Variants in ARHGAP29 observed in about 807,000 individuals in gnomAD.
ARHGAP29 encodes Rho GTPase activating protein 29.
ARHGAP29 carries 43 observed loss-of-function variants against 122.6 expected under a neutral mutation model. The ratio of observed to expected loss-of-function variants is 0.35; its 90% CI spans 0.27 to 0.45. The LOEUF is 0.45. ARHGAP29 is among the 20% of genes least tolerant of loss of function. The pLI is 1.00. For missense variants in ARHGAP29, 1,303 were observed against 1,477.2 expected (o/e 0.88, Z 1.93); for synonymous variants, 506 against 497.1 (o/e 1.02, Z -0.24).
At position 94,188,428 on chromosome 1, in the gene ARHGAP29, T is replaced by G. The variant is rs570542335; in HGVS notation, c.1681+409A>C. Reference sequence around the variant, plus strand: ...GTGAAAATAAAGGTGGCTACCTACATTCACATAGATCTTAAAAAAAAACAC... The same window carrying G: ...GTGAAAATAAAGGTGGCTACCTACAGTCACATAGATCTTAAAAAAAAACAC... On this transcript the variant is annotated intron_variant, in intron 15 of 22. Coordinates refer to ENST00000260526, the MANE Select transcript of ARHGAP29 (RefSeq NM_004815.4). Among the ~76,000 whole-genome samples the G allele has an allele frequency of 2.0e-5, 3 of 152,112 alleles. No individual in the cohort carries two copies. In the East Asian group the frequency reaches 5.8e-4, roughly 29 times the overall value.
At position 94,174,485 on chromosome 1, in the gene ARHGAP29, T is replaced by C. The variant is rs755321039; in HGVS notation, c.3170A>G (p.Asn1057Ser). 1.9e-6 allele frequency: 3 copies of C among 1,614,232 alleles called. No homozygotes were observed. Among genetic ancestry groups the C allele is most frequent in the African/African-American group, 2.7e-5 (2 of 75,058 alleles). Reference protein sequence around the residue: ...FCKNPAFEGVNRKDAATTVCS... With the variant: ...FCKNPAFEGVSRKDAATTVCS... Reference sequence around the variant, plus strand: ...AACAGTAGTAGCAGCGTCTTTTCTATTAACTCCTTCAAAGGCAGGATTCTT... The same window carrying C: ...AACAGTAGTAGCAGCGTCTTTTCTACTAACTCCTTCAAAGGCAGGATTCTT... Residue 1057 changes from asparagine (N) to serine (S), a missense_variant, in exon 23 of 23, where the codon AAT becomes AGT. By Grantham distance (46) the Asn-to-Ser change is conservative. Coordinates refer to ENST00000260526, the MANE Select transcript of ARHGAP29 (RefSeq NM_004815.4).
the ARHGAP29 span, among the ~76,000 whole-genome samples, chr1:94,295,127 T>A: frequency 0.23 from 35,532 of 152,044 alleles, 4,397 homozygotes; most frequent in East Asian, 0.46. Flanking sequence ...TAGGGCCAAC[T>A]AGAAGGATTG....
chr1:94,211,688 A>C (rs1651630094), intron 3 of ARHGAP29, among the ~76,000 whole-genome samples: 1 of 152,262 alleles, frequency 6.6e-6, no homozygotes, highest in Non-Finnish European at 1.5e-5. Flanking sequence ...CAGAAACAAC[A>C]GAAGGATCTC....
At chr1:94,220,512 T>C (rs1057243404) in intron 2 of ARHGAP29, 120 bp from the exon 3 acceptor site, 1 of 780,712 alleles carries the variant, frequency 1.3e-6, no homozygotes, top group African/African-American at 1.8e-5. Flanking sequence ...TTGCCTACTA[T>C]ACATTCATTT....
chr1:94,209,309 G>T lies in ARHGAP29; in HGVS notation c.382C>A (p.Leu128Ile), dbSNP rs1651426060. The change falls in exon 4 of 23, where the codon CTC becomes ATC. Residue 128 changes from leucine to isoleucine, a missense_variant. Physicochemically the swap from Leu to Ile is conservative, Grantham distance 5. Transcript: ENST00000260526. ...ATAGAAGAAAACACTTCCTGGAAGAGATCGTTTTTGTTTTCTTCATTAACT... is the reference window on the plus strand; with the variant it reads ...ATAGAAGAAAACACTTCCTGGAAGATATCGTTTTTGTTTTCTTCATTAACT... ...TEVNEENKND[L>I]FQEVFSSIET... 1 of 1,609,516 alleles carries T rather than the reference G, an allele frequency of 6.2e-7. No homozygotes were observed. The highest frequency in any genetic ancestry group is 8.5e-7 in the Non-Finnish European group (1 of 1,178,908).
At chr1:94,227,778 G>A (rs1354836468) in intron 2 of ARHGAP29, among the ~76,000 whole-genome samples, 1 of 151,716 alleles carries the variant, frequency 6.6e-6, no homozygotes, top group Non-Finnish European at 1.5e-5. Flanking sequence ...ATTCCACAGG[G>A]AGGAAACCAT....
chr1:94,222,144 T>C (rs1453092458), intron 2 of ARHGAP29, among the ~76,000 whole-genome samples: 11 of 152,156 alleles, frequency 7.2e-5, no homozygotes, highest in African/African-American at 2.4e-4. Context: ...CAAATGTCCA[T>C]GAGTCCATAC....
chr1:94,190,102 A>G lies in ARHGAP29; in HGVS notation c.1282-19T>C. 6.2e-7 allele frequency: 1 copy of G among 1,610,302 alleles called. No homozygotes were observed. The highest frequency in any genetic ancestry group is 8.5e-7 in the Non-Finnish European group (1 of 1,178,052). On this transcript the variant is annotated intron_variant, in intron 12 of 22. Transcript: ENST00000260526. ...CTGTTACCTATGGACCCAGAGACAA[A>G]AGGCAGAGTAACTCATGATATACAG... is the stretch of plus-strand genomic sequence containing the variant.
At chr1:94,191,920 T>C (rs755384516) in intron 12 of ARHGAP29, 2 of 152,188 alleles carry the variant, frequency 1.3e-5, no homozygotes, top group Non-Finnish European at 2.9e-5. Context: ...AATGAATTAA[T>C]GTAGACCATG....
At position 94,174,462 on chromosome 1, in the gene ARHGAP29, C is replaced by G. The variant is rs1454616391; in HGVS notation, c.3193G>C (p.Val1065Leu). 1 of 1,614,016 alleles carries G rather than the reference C, an allele frequency of 6.2e-7. No individual in the cohort carries two copies. The change falls in exon 23 of 23, where the codon GTT (valine) becomes CTT (leucine). Residue 1065 changes from valine to leucine, a missense_variant. Physicochemically the swap from Val to Leu is conservative, Grantham distance 32. Transcript: ENST00000260526. ...TCAAAGCCATTAAATTTGGAACAAA[C>G]AGTAGTAGCAGCGTCTTTTCTATTA... is the stretch of plus-strand genomic sequence containing the variant. Reference protein sequence around the residue: ...GVNRKDAATTVCSKFNGFDQQ... With the variant: ...GVNRKDAATTLCSKFNGFDQQ...
At chr1:94,300,567 C>T in the ARHGAP29 span, among the ~76,000 whole-genome samples, 3 of 152,210 alleles carry the variant, frequency 2.0e-5, no homozygotes, top group African/African-American at 7.2e-5. Flanking sequence ...TAGATCCCCC[C>T]ATATACCTCT....
the ARHGAP29 span, among the ~76,000 whole-genome samples, chr1:94,293,266 G>T: frequency 4.6e-5 from 7 of 152,322 alleles, no homozygotes; most frequent in East Asian, 1.4e-3. Context: ...AAGGCTCCAT[G>T]GGCATGGGAC....
At position 94,184,838 on chromosome 1, in the gene ARHGAP29, T is replaced by A. The variant is rs190274440; in HGVS notation, c.2109+34A>T. 3.6e-4 allele frequency: 540 copies of A among 1,489,022 alleles called. 6 individuals are homozygous for A. In the African/African-American group the frequency reaches 6.5e-3, roughly 18 times the overall value. The allele number at this position is 1,489,022 out of a possible 1,614,324, so 92.2% of individuals were successfully genotyped here. A position where few individuals can be genotyped will look rare whatever the true frequency, so the allele number is the denominator to read the frequency against. The stretch of plus-strand genomic sequence containing the variant: ...CATTAGAATAGGTTACACAGGCATT[T>A]ATGCTTTTTAAAATTTTAAGAGTTA... On this transcript the variant is annotated intron_variant, in intron 18 of 22. Coordinates refer to ENST00000260526, the MANE Select transcript of ARHGAP29 (RefSeq NM_004815.4).
the ARHGAP29 span, among the ~76,000 whole-genome samples, chr1:94,308,934 G>A: frequency 6.6e-6 from 1 of 152,160 alleles, no homozygotes; most frequent in African/African-American, 2.4e-5. Context: ...GTTTCCTCAG[G>A]AGGTTGTGTG....
the ARHGAP29 span, among the ~76,000 whole-genome samples, chr1:94,306,910 G>T: frequency 6.6e-6 from 1 of 152,090 alleles, no homozygotes; most frequent in East Asian, 1.9e-4. Context: ...ACAATATGAA[G>T]TTCAGTTGTA....
chr1:94,217,145 T>C (rs897623782), intron 3 of ARHGAP29, among the ~76,000 whole-genome samples: 2 of 152,204 alleles, frequency 1.3e-5, no homozygotes, highest in African/African-American at 4.8e-5. Flanking sequence ...TTCTATTGTT[T>C]GGTAGATTTG....
intron 1 of ARHGAP29, among the ~76,000 whole-genome samples, chr1:94,256,780 G>C (rs539919152): frequency 6.0e-5 from 9 of 151,232 alleles, no homozygotes; most frequent in African/African-American, 2.2e-4. Context: ...GGATGGTCTC[G>C]ATCTCCTGAC....
chr1:94,310,782 AG>A, the ARHGAP29 span, among the ~76,000 whole-genome samples: 1 of 151,994 alleles, frequency 6.6e-6, no homozygotes, highest in Middle Eastern at 3.4e-3. Flanking sequence ...TCAGTGATAA[AG>A]GGGGGCAGGA....
rs1330997013 is a variant in ARHGAP29 at position 94,253,261 on chromosome 1, G to A, written c.-32-21618C>T. Among the ~76,000 whole-genome samples, 6 of 152,116 alleles carry A rather than the reference G, an allele frequency of 3.9e-5. No individual in the cohort carries two copies. The South Asian group carries it at 6.2e-4, about 16-fold the overall frequency. ...TGGAATTACAGGTGTGAGCCACTGC[G>A]CCCGATCCATTCTCTTTTATTTTAT... On this transcript the variant is annotated intron_variant and NMD_transcript_variant, in intron 1 of 25. Coordinates refer to the ARHGAP29 transcript ENST00000552844.
Sources: allele counts gnomAD v4.1 joint callset (sites outside exome capture counted in the v4.1 genomes callset), GRCh38; gene constraint gnomAD v4.1.1; transcripts MANE v1.5; gene names NCBI Gene and HGNC (gene_info 2026-07-23, HGNC 2026-07-21).